The following DENND2B variants were observed in gnomAD, a reference collection of about 807,000 sequenced individuals.
The protein encoded by DENND2B is DENN domain containing 2B, also known as DENN domain-containing protein 2B.
A neutral mutation model predicts 116.0 loss-of-function variants in DENND2B; 32 were observed. The observed-to-expected ratio is 0.28, with a 90% CI of 0.21 to 0.37. The LOEUF is 0.37. Among genes scored for constraint, DENND2B ranks in the 10% least tolerant of loss-of-function variants. The probability of loss-of-function intolerance (pLI) is 1.00; values close to 1 mark genes in which losing one functional copy is unlikely to be tolerated. For synonymous variants in DENND2B, 588 were observed against 583.9 expected, an observed-to-expected ratio of 1.01 and a Z score of -0.10; for missense variants, 1,276 against 1,477.7, an observed-to-expected ratio of 0.86 and a Z score of 2.24.
upstream of DENND2B, among the ~76,000 whole-genome samples, chr11:8,872,365 A>G (rs747552858): frequency 6.6e-6 from 1 of 151,978 alleles, no homozygotes; most frequent in Non-Finnish European, 1.5e-5. Context: ...AGGCGCCTGT[A>G]ATCTCAGCTA....
Position 8,766,672 on chromosome 11 carries a change from C to T in DENND2B, c.-25-15947G>A, listed in dbSNP as rs181832598. On this transcript the variant is annotated intron_variant, in intron 1 of 19. Transcript: ENST00000313726. ...CCCACGGGGTTTCTTGCCAGCTATG[C>T]GCCCCACCTCCATTCTTCCTTGAAG... The T allele has an allele frequency of 1.5e-4, 191 of 1,289,028 alleles. No individual in the cohort carries two copies. The Admixed American group carries it at 3.0e-3, about 20-fold the overall frequency. 79.8% of individuals were successfully genotyped at this position (1,289,028 alleles called of 1,614,324 possible).
At chr11:8,713,216 G>A (rs1378961632) in intron 8 of DENND2B, among the ~76,000 whole-genome samples, 2 of 152,136 alleles carry the variant, frequency 1.3e-5, no homozygotes, top group Non-Finnish European at 2.9e-5. Context: ...ATTTATCCAA[G>A]GACCCTGGAA....
chr11:8,799,918 TTTATTATTATTATTATTA>T (rs143632896), intron 1 of DENND2B, among the ~76,000 whole-genome samples: 3,620 of 143,632 alleles, frequency 0.025, 152 homozygotes, highest in African/African-American at 0.085. Flanking sequence ...TCACCATGTA[TTTATTATTATTATTATTA>T]TTATTATTAT....
intron 1 of DENND2B, among the ~76,000 whole-genome samples, chr11:8,757,421 T>C (rs928630336): frequency 6.6e-6 from 1 of 152,094 alleles, no homozygotes; most frequent in East Asian, 1.9e-4. Flanking sequence ...GATATTAACA[T>C]GGAAGACACA....
rs150317020 is a variant in DENND2B, at chr11:8,702,218, C to T, written c.2720+354G>A. 4.6e-5 allele frequency among the ~76,000 whole-genome samples: 7 copies of T among 152,266 alleles called. No homozygotes were observed. In the East Asian group the frequency reaches 1.3e-3, roughly 29 times the overall value. On this transcript the variant is annotated intron_variant, in intron 14 of 19. Transcript: ENST00000313726. The surrounding 1 kb of genome is among the most constrained non-coding windows in gnomAD (Gnocchi z 4.6). The stretch of plus-strand genomic sequence containing the variant: ...CATCCCATTGAGATGGCTTTGCCTC[C>T]CCCTCCAGAAGAAATGCAACCATCC...
At chr11:8,787,775 T>C (rs1038544421) in intron 1 of DENND2B, among the ~76,000 whole-genome samples, 5 of 152,254 alleles carry the variant, frequency 3.3e-5, no homozygotes, top group Non-Finnish European at 7.3e-5. Flanking sequence ...TCAGTGATGA[T>C]CATTCTCAAA....
chr11:8,837,930 GGAA>G (rs1413470189), intron 4 of DENND2B, among the ~76,000 whole-genome samples: 2 of 152,138 alleles, frequency 1.3e-5, no homozygotes, highest in African/African-American at 4.8e-5. Context: ...GTGGAAGGTG[GGAA>G]GAAGAATTCT....
chr11:8,766,404 C>T (rs2055795606), intron 1 of DENND2B, among the ~76,000 whole-genome samples: 1 of 152,192 alleles, frequency 6.6e-6, no homozygotes, highest in South Asian at 2.1e-4. Context: ...GAACTCCCTC[C>T]CTGAAAAGCT....
chr11:8,906,893 T>C (rs1019143145), intron 1 of DENND2B, among the ~76,000 whole-genome samples: 1 of 152,186 alleles, frequency 6.6e-6, no homozygotes, highest in Non-Finnish European at 1.5e-5. Flanking sequence ...ATTTGTCAAA[T>C]AAAATGATTT....
At chr11:8,733,974 C>T (rs1043235520) in intron 2 of DENND2B, among the ~76,000 whole-genome samples, 1 of 152,188 alleles carries the variant, frequency 6.6e-6, no homozygotes, top group Non-Finnish European at 1.5e-5. Context: ...TCACGTGCTA[C>T]CCTTGCCCCA....
At position 8,746,137 on chromosome 11, in the gene DENND2B, C is replaced by T. The variant is rs1022158357; in HGVS notation, c.80+4484G>A. On this transcript the variant is annotated intron_variant, in intron 2 of 19. Coordinates refer to ENST00000313726, the MANE Select transcript of DENND2B (RefSeq NM_213618.2). ...GCCTCCTAAGGGGGGCCTGCCACGGCCAGGACAGGCCCTGCAGCACTATCT... is the reference window on the plus strand; with the variant it reads ...GCCTCCTAAGGGGGGCCTGCCACGGTCAGGACAGGCCCTGCAGCACTATCT... Among the ~76,000 whole-genome samples the T allele has an allele frequency of 8.6e-5, 13 of 150,816 alleles. No individual in the cohort carries two copies. The East Asian group carries it at 2.5e-3, about 29-fold the overall frequency.
chr11:8,784,967 T>C (rs191198443), intron 1 of DENND2B, among the ~76,000 whole-genome samples: 29 of 152,156 alleles, frequency 1.9e-4, no homozygotes, highest in Admixed American at 1.6e-3. Context: ...AGGGAAGTAA[T>C]GGCTCTGTGG....
upstream of DENND2B, chr11:8,811,338 GA>G: frequency 2.5e-6 from 1 of 398,574 alleles, no homozygotes; most frequent in Non-Finnish European, 4.4e-6. Flanking sequence ...TCATCTTCCT[GA>G]AATGGAGAGC....
At chr11:8,900,976 C>A (rs1179274725) in intron 1 of DENND2B, among the ~76,000 whole-genome samples, 1 of 151,568 alleles carries the variant, frequency 6.6e-6, no homozygotes, top group Non-Finnish European at 1.5e-5. Context: ...GTCTTGAACT[C>A]CTGACCTTAA....
intron 7 of DENND2B, 126 bp from the exon 8 acceptor site, chr11:8,714,168 GGTC>G: frequency 1.0e-6 from 1 of 975,898 alleles, no homozygotes; most frequent in Non-Finnish European, 1.6e-6. Flanking sequence ...CTGGGCCCAT[GGTC>G]AGGCATCTGC....
At chr11:8,780,248 C>A (rs1014859865) in intron 1 of DENND2B, among the ~76,000 whole-genome samples, 7 of 152,160 alleles carry the variant, frequency 4.6e-5, no homozygotes, top group African/African-American at 1.2e-4. Context: ...AAGGAGCTTC[C>A]ACTCTGTAGG....
chr11:8,707,791 C>T lies in DENND2B; in HGVS notation c.2416G>A (p.Gly806Ser), dbSNP rs368147762. 81 of 1,609,728 alleles carry T rather than the reference C, an allele frequency of 5.0e-5. No homozygotes were observed. The highest frequency in any genetic ancestry group is 6.5e-5 in the Non-Finnish European group (77 of 1,178,284). ...YCVISRLGCF[G>S]LFSKVLDEVE... is the part of the protein sequence containing the mutation. Reference sequence around the variant, plus strand: ...GAGCCTCTTACCTTGGAAAACAAGCCGAAGCAGCCAAGGCGGCTGATGACA... The same window carrying T: ...GAGCCTCTTACCTTGGAAAACAAGCTGAAGCAGCCAAGGCGGCTGATGACA... Residue 806 changes from glycine to serine, a missense_variant, in exon 12 of 20, where the codon GGC becomes AGC. Gly to Ser is a moderately conservative substitution (Grantham distance 56). Transcript: ENST00000313726. The surrounding 1 kb of genome is among the most constrained non-coding windows in gnomAD (Gnocchi z 4.8).
chr11:8,878,099 A>C (rs1415814252), intron 2 of DENND2B, among the ~76,000 whole-genome samples: 1 of 152,224 alleles, frequency 6.6e-6, no homozygotes, highest in Non-Finnish European at 1.5e-5. Flanking sequence ...AGAAAATTTT[A>C]AGCCAAAGGA....
At chr11:8,868,105 G>A (rs1594306879) in intron 2 of DENND2B, among the ~76,000 whole-genome samples, 1 of 152,134 alleles carries the variant, frequency 6.6e-6, no homozygotes, top group African/African-American at 2.4e-5. Context: ...TTCAGCGTAT[G>A]CCTGGTAAGA....
Sources: allele counts gnomAD v4.1 joint callset (sites outside exome capture counted in the v4.1 genomes callset), GRCh38; gene constraint gnomAD v4.1.1; non-coding constraint Gnocchi (gnomAD v3.1); transcripts MANE v1.5; gene names NCBI Gene and HGNC (gene_info 2026-07-23, HGNC 2026-07-21).